The following CNGA3 variants were observed in gnomAD, a reference collection of about 807,000 sequenced individuals.
The protein encoded by CNGA3 is cyclic nucleotide-gated channel alpha-3.
Under a neutral mutation model 46.6 loss-of-function variants are expected in CNGA3, and 42 were observed. The ratio of observed to expected loss-of-function variants is 0.90; its 90% CI spans 0.70 to 1.17. The LOEUF is 1.17. Among genes scored for constraint, CNGA3 ranks in the 50% most tolerant of loss-of-function variants. The pLI is 0.00. For synonymous variants in CNGA3, 394 were observed against 369.4 expected (o/e 1.07, Z -0.76); for missense variants, 893 against 890.7 (o/e 1.00, Z -0.03).
chr2:98,375,775 A>G (rs1223560181), intron 2 of CNGA3, among the ~76,000 whole-genome samples: 1 of 152,178 alleles, frequency 6.6e-6, no homozygotes, highest in Non-Finnish European at 1.5e-5. Flanking sequence ...TGTGCCATAT[A>G]TGAAAATACA....
At chr2:98,364,175 C>T (rs1692094799) in intron 1 of CNGA3, among the ~76,000 whole-genome samples, 1 of 152,066 alleles carries the variant, frequency 6.6e-6, no homozygotes. Flanking sequence ...ATCAGAAGTT[C>T]AAGACTAGCC....
Position 98,394,491 on chromosome 2 carries a change from A to G in CNGA3, c.674-1353A>G, listed in dbSNP as rs183038711. On this transcript the variant is annotated intron_variant, in intron 7 of 7. Transcript: ENST00000272602. The stretch of plus-strand genomic sequence containing the variant: ...TGTTTTTTACATTTTTATTATTAAT[A>G]TTTTCAAATGTATGCAAAAGCAGAG... Among the ~76,000 whole-genome samples, 67 of 152,268 alleles carry G rather than the reference A, an allele frequency of 4.4e-4. 2 individuals carry two copies. In the East Asian group the frequency reaches 0.01, roughly 24 times the overall value.
chr2:98,350,135 G>A (rs903939115), intron 1 of CNGA3, among the ~76,000 whole-genome samples: 19 of 152,128 alleles, frequency 1.2e-4, no homozygotes, highest in African/African-American at 4.6e-4. Flanking sequence ...AGTTAAACCG[G>A]CTTCTGCCCC....
Position 98,380,286 on chromosome 2 carries a change from G to T in CNGA3, c.327G>T (p.Glu109Asp). Residue 109 changes from glutamate to aspartate, a missense_variant, in exon 4 of 8, where the codon GAG (glutamate) becomes GAT (aspartate). This residue lies in a region of CNGA3 where 333 missense variants were observed against 290.8 expected (regional missense o/e 1.15). Transcript: ENST00000272602. ...GTTTCCGTGGAGCCGAGCTTAAGGA[G>T]GTGTCCAGCCAAGAAAGCAATGCCC... Reference protein sequence around the residue: ...PDRFRGAELKEVSSQESNAQA... With the variant: ...PDRFRGAELKDVSSQESNAQA... 6.2e-7 allele frequency: 1 copy of T among 1,614,214 alleles called. No homozygotes were observed. The highest frequency in any genetic ancestry group is 1.3e-5 in the African/African-American group (1 of 75,052).
At position 98,397,126 on chromosome 2, in the gene CNGA3, C is replaced by A. The variant is rs749868323; in HGVS notation, c.1956C>A (p.Asn652Lys). ...TRFARLLAEYNATQMKMKQRL... is the reference protein window; with the variant it reads ...TRFARLLAEYKATQMKMKQRL... ...TTGCACGCCTCCTGGCTGAGTACAACGCCACCCAGATGAAGATGAAGCAGC... is the reference window on the plus strand; with the variant it reads ...TTGCACGCCTCCTGGCTGAGTACAAAGCCACCCAGATGAAGATGAAGCAGC... The change falls in exon 8 of 8, where the codon AAC (asparagine) becomes AAA (lysine). Residue 652 changes from asparagine to lysine, a missense_variant. This residue lies in a region of CNGA3 where 548 missense variants were observed against 570.8 expected (regional missense o/e 0.96). Coordinates refer to ENST00000272602, the MANE Select transcript of CNGA3 (RefSeq NM_001298.3). 8 of 1,614,104 alleles carry A rather than the reference C, an allele frequency of 5.0e-6. No homozygotes were observed. In the South Asian group the frequency reaches 8.8e-5, roughly 18 times the overall value.
chr2:98,382,519 A>G (rs1692562253), intron 4 of CNGA3, among the ~76,000 whole-genome samples: 1 of 152,214 alleles, frequency 6.6e-6, no homozygotes. Context: ...CTGGACATCA[A>G]GCATCGTGGA....
intron 2 of CNGA3, among the ~76,000 whole-genome samples, chr2:98,375,542 G>A (rs1212271480): frequency 1.3e-5 from 2 of 152,226 alleles, no homozygotes; most frequent in Admixed American, 1.3e-4. Context: ...AGCGGGCAAG[G>A]GAATTGTAGC....
At chr2:98,367,623 G>A (rs777272146) in intron 1 of CNGA3, among the ~76,000 whole-genome samples, 1 of 151,878 alleles carries the variant, frequency 6.6e-6, no homozygotes, top group African/African-American at 2.4e-5. Flanking sequence ...TTTCTCTAAC[G>A]TGCTTCCCCC....
chr2:98,377,658 T>C, intron 2 of CNGA3, 29 bp from the exon 3 acceptor site: 2 of 1,591,076 alleles, frequency 1.3e-6, no homozygotes, highest in Non-Finnish European at 1.7e-6. Flanking sequence ...TTGAAATCAA[T>C]TCTGCTTGCT....
At chr2:98,390,853 A>G (rs950936776) in intron 6 of CNGA3, among the ~76,000 whole-genome samples, 2 of 152,220 alleles carry the variant, frequency 1.3e-5, no homozygotes, top group African/African-American at 4.8e-5. Context: ...GGACTTCCCA[A>G]GCAAGTGTGC....
intron 1 of CNGA3, among the ~76,000 whole-genome samples, chr2:98,365,196 C>G (rs1367524642): frequency 6.6e-6 from 1 of 152,162 alleles, no homozygotes; most frequent in African/African-American, 2.4e-5. Flanking sequence ...AATCCCAACA[C>G]TTTGGGAAGC....
chr2:98,380,450 G>A (rs1341880692), intron 4 of CNGA3, 96 bp downstream of exon 4: 1 of 1,441,214 alleles, frequency 6.9e-7, no homozygotes, highest in Non-Finnish European at 9.5e-7. Flanking sequence ...CAGCACAGGT[G>A]GCCTGGAACG....
chr2:98,381,669 T>A (rs1206316601), intron 4 of CNGA3, among the ~76,000 whole-genome samples: 2 of 152,140 alleles, frequency 1.3e-5, no homozygotes, highest in Non-Finnish European at 2.9e-5. Context: ...AATCCCTGAC[T>A]GAGATGGGAA....
chr2:98,352,252 A>C (rs925916312), intron 1 of CNGA3, among the ~76,000 whole-genome samples: 1 of 152,214 alleles, frequency 6.6e-6, no homozygotes, highest in East Asian at 1.9e-4. Flanking sequence ...ATGTGGACAT[A>C]CTACATTTTG....
chr2:98,365,619 T>C (rs541917250), intron 1 of CNGA3, among the ~76,000 whole-genome samples: 3 of 151,608 alleles, frequency 2.0e-5, no homozygotes, highest in South Asian at 2.1e-4. Flanking sequence ...CATTTTTTTT[T>C]CCTCTAATCT....
At chr2:98,365,488 C>A (rs1434829483) in intron 1 of CNGA3, among the ~76,000 whole-genome samples, 1 of 152,088 alleles carries the variant, frequency 6.6e-6, no homozygotes, top group African/African-American at 2.4e-5. Context: ...TGGATGATAC[C>A]CTGAAGTGTG....
At chr2:98,351,011 A>G (rs55716887) in intron 1 of CNGA3, 31,323 of 152,190 alleles carry the variant, frequency 0.21, 3,602 homozygotes, top group Middle Eastern at 0.3. Flanking sequence ...TCTGACCTTC[A>G]TCTCCCTTCA....
At chr2:98,372,955 C>T (rs3769755) in intron 2 of CNGA3, among the ~76,000 whole-genome samples, 5,025 of 152,258 alleles carry the variant, frequency 0.033, 403 homozygotes, top group Admixed American at 0.18. Context: ...TACAGTATCC[C>T]GTGGAAACAC....
chr2:98,374,199 G>A (rs1335240029), intron 2 of CNGA3, among the ~76,000 whole-genome samples: 1 of 152,126 alleles, frequency 6.6e-6, no homozygotes, highest in Admixed American at 6.5e-5. Context: ...CCCTGTCCTC[G>A]CCCAGTCACA....
Sources: gnomAD v4.1 joint callset for allele counts (sites outside exome capture counted in the v4.1 genomes callset) on GRCh38, gnomAD v4.1.1 for gene constraint, gnomAD v4.1.1 regional missense constraint, MANE v1.5 for transcripts, NCBI Gene and HGNC (gene_info 2026-07-23, HGNC 2026-07-21) for gene names.